Variants in LYAR observed in about 807,000 individuals in gnomAD.
The protein encoded by LYAR is cell growth-regulating nucleolar protein.
LYAR carries 37 observed loss-of-function variants against 45.2 expected under a neutral mutation model. The observed-to-expected ratio is 0.82, with a 90% CI of 0.63 to 1.08. The LOEUF (loss-of-function observed/expected upper bound fraction) is 1.08. Among genes scored for constraint, LYAR ranks in the 50% least tolerant of loss-of-function variants. The pLI is 0.00. For missense variants in LYAR, 493 were observed against 451.0 expected (o/e 1.09, Z -0.84); for synonymous variants, 176 against 155.1 (o/e 1.14, Z -1.00).
At chr4:4,280,691 G>A (rs892392125) in intron 4 of LYAR, among the ~76,000 whole-genome samples, 2 of 152,174 alleles carry the variant, frequency 1.3e-5, no homozygotes, top group African/African-American at 4.8e-5. Context: ...GCTCAAAAGT[G>A]TGGCTGCTGG....
At chr4:4,268,127 A>C in intron 9 of LYAR, 104 bp from the exon 10 acceptor site, 1 of 1,119,270 alleles carries the variant, frequency 8.9e-7, no homozygotes, top group Non-Finnish European at 1.2e-6. Flanking sequence ...AATAAAAGAA[A>C]CCCAGGAGCA....
At chr4:4,279,416 C>T (rs1326335345) in intron 6 of LYAR, 31 bp downstream of exon 6, 1 of 1,416,400 alleles carries the variant, frequency 7.1e-7, no homozygotes, top group African/African-American at 1.4e-5. Context: ...ATTTTTGCCA[C>T]AATGCAAATC....
At chr4:4,289,198 C>G (rs1430309048) in intron 1 of LYAR, among the ~76,000 whole-genome samples, 1 of 152,206 alleles carries the variant, frequency 6.6e-6, no homozygotes, top group Non-Finnish European at 1.5e-5. Context: ...CCTATCTCCA[C>G]TAAACAGATG....
chr4:4,273,434 G>A lies in LYAR; in HGVS notation c.919+149C>T, dbSNP rs2272743. 2.2e-5 allele frequency: 13 copies of A among 579,340 alleles called. 1 individual carries two copies. The highest frequency in any genetic ancestry group is 9.5e-5 in the Admixed American group (3 of 31,660). The allele number at this position is 579,340 out of a possible 1,614,324, so 35.9% of individuals were successfully genotyped here. On this transcript the variant is annotated intron_variant, in intron 8 of 9. Transcript: ENST00000343470. ...CTCTCTTTTCTTTTCTCTCTCTCTC[G>A]CTTTTTGAAAGTGGTACGCCCATGG...
At chr4:4,277,166 C>T (rs1338542424) in intron 6 of LYAR, among the ~76,000 whole-genome samples, 1 of 152,118 alleles carries the variant, frequency 6.6e-6, no homozygotes, top group African/African-American at 2.4e-5. Flanking sequence ...TGTGCCTCAA[C>T]CTCCCGAGTA....
At chr4:4,284,218 T>C (rs544431885) in intron 2 of LYAR, among the ~76,000 whole-genome samples, 2 of 152,264 alleles carry the variant, frequency 1.3e-5, no homozygotes, top group Admixed American at 1.3e-4. Context: ...AATCTTACTT[T>C]CCATAATACC....
At chr4:4,288,771 C>T (rs1719729477) in intron 1 of LYAR, among the ~76,000 whole-genome samples, 1 of 152,230 alleles carries the variant, frequency 6.6e-6, no homozygotes, top group South Asian at 2.1e-4. Flanking sequence ...CAGGCACGGG[C>T]CACTGCGCTT....
intron 6 of LYAR, among the ~76,000 whole-genome samples, chr4:4,276,543 C>CAA (rs55900346): frequency 0.11 from 14,760 of 131,254 alleles, 2,264 homozygotes; most frequent in African/African-American, 0.36. Flanking sequence ...AACTCTGTCT[C>CAA]AAAAAAAAAA....
At position 4,279,641 on chromosome 4, in the gene LYAR, C is replaced by T. The variant is rs750329343; in HGVS notation, c.345+1G>A. 3 of 1,612,450 alleles carry T rather than the reference C, an allele frequency of 1.9e-6. No individual in the cohort carries two copies. Among genetic ancestry groups the T allele is most frequent in the Admixed American group, 1.7e-5 (1 of 59,970 alleles). On this transcript the variant is annotated splice_donor_variant, in intron 5 of 9. Coordinates refer to ENST00000343470, the MANE Select transcript of LYAR (RefSeq NM_017816.3). LOFTEE classifies it high-confidence loss of function. ...CTCCATTCAAGAAAGTCAATTCATA[C>T]CTGAAATTTTGCCTTTTTCCTGGGA...
chr4:4,269,176 C>A (rs990939758), intron 8 of LYAR, among the ~76,000 whole-genome samples: 1 of 152,114 alleles, frequency 6.6e-6, no homozygotes, highest in African/African-American at 2.4e-5. Context: ...CAGAGCAACA[C>A]GGGGTGAGCT....
chr4:4,281,540 T>G (rs1170538182), intron 4 of LYAR, among the ~76,000 whole-genome samples: 1 of 152,158 alleles, frequency 6.6e-6, no homozygotes, highest in Non-Finnish European at 1.5e-5. Flanking sequence ...AGGCAGGTCT[T>G]GAACTCCTGA....
At chr4:4,288,941 T>C (rs914356688) in intron 1 of LYAR, among the ~76,000 whole-genome samples, 1 of 152,224 alleles carries the variant, frequency 6.6e-6, no homozygotes, top group East Asian at 1.9e-4. Flanking sequence ...CCACTGCCTC[T>C]ATAAACTTCA....
intron 4 of LYAR, 54 bp from the exon 5 acceptor site, chr4:4,279,803 T>C: frequency 8.4e-7 from 1 of 1,195,706 alleles, no homozygotes; most frequent in Non-Finnish European, 1.2e-6. Flanking sequence ...AACATGAGTT[T>C]CATGAAAGCC....
chr4:4,284,062 T>A (rs10013873), intron 2 of LYAR, among the ~76,000 whole-genome samples: 15,708 of 152,240 alleles, frequency 0.1, 2,221 homozygotes, highest in African/African-American at 0.32. Context: ...AGTAACCCTA[T>A]GAGGGAAGGA....
chr4:4,272,132 G>A (rs895948173), intron 8 of LYAR, among the ~76,000 whole-genome samples: 5 of 152,170 alleles, frequency 3.3e-5, no homozygotes, highest in African/African-American at 7.2e-5. Context: ...GCAGCCTTGC[G>A]CAATGGCGAT....
chr4:4,272,951 G>A, intron 8 of LYAR, among the ~76,000 whole-genome samples: 1 of 152,262 alleles, frequency 6.6e-6, no homozygotes, highest in South Asian at 2.1e-4. Flanking sequence ...AGAAGCAGGA[G>A]AGAAGCTTTG....
rs145041798 is a variant in LYAR, at chr4:4,287,487, G to T, written c.-107-915C>A. ...GCCATACCCATGAAAAAGATGACGG[G>T]GTCTGCACCATAGAACACATGATCA... On this transcript the variant is annotated intron_variant, in intron 1 of 9. Coordinates refer to ENST00000343470, the MANE Select transcript of LYAR (RefSeq NM_017816.3). Among the ~76,000 whole-genome samples, 780 of 152,226 alleles carry T rather than the reference G, an allele frequency of 5.1e-3. 10 individuals are homozygous for T. Among genetic ancestry groups the T allele is most frequent in the African/African-American group, 0.018 (751 of 41,528 alleles).
At chr4:4,284,712 T>G (rs1719538148) in intron 2 of LYAR, among the ~76,000 whole-genome samples, 1 of 152,184 alleles carries the variant, frequency 6.6e-6, no homozygotes, top group Admixed American at 6.5e-5. Flanking sequence ...CACAGTAATT[T>G]TCCATACTTA....
chr4:4,288,890 C>A (rs1261841325), intron 1 of LYAR, among the ~76,000 whole-genome samples: 1 of 152,244 alleles, frequency 6.6e-6, no homozygotes, highest in Non-Finnish European at 1.5e-5. Context: ...TAGCTGGCAA[C>A]CCCAGGATAT....
Sources: allele counts gnomAD v4.1 joint callset (sites outside exome capture counted in the v4.1 genomes callset), GRCh38; gene constraint gnomAD v4.1.1; transcripts MANE v1.5; gene names NCBI Gene and HGNC (gene_info 2026-07-23, HGNC 2026-07-21).